GRM7: variants seen among roughly 807,000 people sequenced by gnomAD.
GRM7 encodes the protein metabotropic glutamate receptor 7.
GRM7 carries 35 observed loss-of-function variants against 84.5 expected under a neutral mutation model. The ratio of observed to expected loss-of-function variants is 0.41; its 90% CI spans 0.32 to 0.55. The LOEUF (loss-of-function observed/expected upper bound fraction) is 0.55, where lower values mean the gene tolerates loss of function less well. Ranked by LOEUF, GRM7 falls within the 20% of genes least tolerant of loss-of-function variation. The pLI is 0.19. For synonymous variants in GRM7, 487 were observed against 455.1 expected, an observed-to-expected ratio of 1.07 and a Z score of -0.89; for missense variants, 1,003 against 1,194.6, an observed-to-expected ratio of 0.84 and a Z score of 2.36.
intron 8 of GRM7, among the ~76,000 whole-genome samples, chr3:7,647,466 G>A: frequency 6.6e-6 from 1 of 152,144 alleles, no homozygotes; most frequent in East Asian, 1.9e-4. Flanking sequence ...CAGGTACAAG[G>A]GCACCCAAAG....
chr3:7,693,782 G>A (rs1700906614), intron 9 of GRM7: 1 of 711,726 alleles, frequency 1.4e-6, no homozygotes, highest in Non-Finnish European at 2.4e-6. Context: ...ACCTTATCCT[G>A]TTTGCATGAG....
chr3:7,272,747 C>G (rs866285186), intron 2 of GRM7, among the ~76,000 whole-genome samples: 15 of 149,648 alleles, frequency 1.0e-4, no homozygotes, highest in African/African-American at 3.7e-4. Context: ...CTTTTTTTTT[C>G]TTAGTCAGTT....
intron 9 of GRM7, among the ~76,000 whole-genome samples, chr3:7,711,157 TAA>T (rs1701563711): frequency 1.3e-5 from 2 of 152,130 alleles, no homozygotes; most frequent in African/African-American, 4.8e-5. Flanking sequence ...AAAAGAAAGA[TAA>T]AGAATATGTA....
chr3:6,940,040 T>C (rs1307605051), intron 1 of GRM7, among the ~76,000 whole-genome samples: 4 of 152,176 alleles, frequency 2.6e-5, no homozygotes, highest in African/African-American at 9.7e-5. Context: ...TTTGGAAATA[T>C]ATGAAATATT....
chr3:7,426,321 G>A (rs932193102), intron 5 of GRM7, among the ~76,000 whole-genome samples: 1 of 152,000 alleles, frequency 6.6e-6, no homozygotes, highest in African/African-American at 2.4e-5. Flanking sequence ...GTTTCTCTAT[G>A]TTGGTCAGGT....
chr3:7,416,985 G>T (rs1243540719), intron 5 of GRM7, among the ~76,000 whole-genome samples: 1 of 152,034 alleles, frequency 6.6e-6, no homozygotes, highest in Non-Finnish European at 1.5e-5. Flanking sequence ...GTTGATGGAC[G>T]TTAGGATTGT....
At chr3:6,882,721 T>G (rs143355952) in intron 1 of GRM7, among the ~76,000 whole-genome samples, 1,674 of 152,240 alleles carry the variant, frequency 0.011, 17 homozygotes, top group Non-Finnish European at 0.016. Flanking sequence ...TTTTGTATCT[T>G]TTTTGCTTAT....
chr3:7,339,446 C>T (rs1194532063), intron 4 of GRM7, among the ~76,000 whole-genome samples: 1 of 152,114 alleles, frequency 6.6e-6, no homozygotes, highest in Non-Finnish European at 1.5e-5. Context: ...AATTCAGCAG[C>T]TTATCTAGAG....
At chr3:7,516,098 G>A (rs1415626241) in intron 7 of GRM7, among the ~76,000 whole-genome samples, 1 of 145,254 alleles carries the variant, frequency 6.9e-6, no homozygotes, top group African/African-American at 2.6e-5. Context: ...CTGGAAGGTA[G>A]AGCCCGCAGT....
At chr3:7,147,927 C>A (rs1241416011) in intron 2 of GRM7, among the ~76,000 whole-genome samples, 1 of 152,162 alleles carries the variant, frequency 6.6e-6, no homozygotes, top group Non-Finnish European at 1.5e-5. Context: ...AGTGTCTTCT[C>A]CCACAGCGCC....
In GRM7 at chr3:7,680,103, G is replaced by C; in HGVS notation, c.2506G>C (p.Ala836Pro). ...TISMNLSASV[A>P]LGMLYMPKVY... ...CTCCATGAACCTAAGTGCATCAGTG[G>C]CGCTGGGGATGCTATACATGCCGAA... The change falls in exon 9 of 10, where the codon GCG becomes CCG. Residue 836 changes from alanine (A) to proline (P), a missense_variant. Ala to Pro is a conservative substitution (Grantham distance 27). Transcript: ENST00000357716. 1.2e-6 allele frequency: 2 copies of C among 1,613,894 alleles called. No individual in the cohort carries two copies. Among genetic ancestry groups the C allele is most frequent in the Non-Finnish European group, 1.7e-6 (2 of 1,179,820 alleles).
chr3:6,984,576 CT>C (rs1222309503), intron 1 of GRM7, among the ~76,000 whole-genome samples: 2 of 152,000 alleles, frequency 1.3e-5, no homozygotes, highest in Non-Finnish European at 1.5e-5. Flanking sequence ...TATGAATCAC[CT>C]TTTTTTCTCT....
intron 8 of GRM7, among the ~76,000 whole-genome samples, chr3:7,612,867 A>C (rs1696906151): frequency 6.6e-6 from 1 of 152,228 alleles, no homozygotes; most frequent in Admixed American, 6.5e-5. Flanking sequence ...AATTAGATTC[A>C]GTGAAAGATC....
chr3:7,618,057 A>T (rs1277133690), intron 8 of GRM7, among the ~76,000 whole-genome samples: 4 of 152,146 alleles, frequency 2.6e-5, no homozygotes, highest in Non-Finnish European at 5.9e-5. Context: ...ATAGCACAGA[A>T]TTATTGAAGA....
At chr3:7,454,184 C>T (rs1053759600) in intron 6 of GRM7, among the ~76,000 whole-genome samples, 2 of 151,396 alleles carry the variant, frequency 1.3e-5, no homozygotes, top group Non-Finnish European at 2.9e-5. Flanking sequence ...TAATTTGCCA[C>T]ATCAACCATA....
intron 1 of GRM7, among the ~76,000 whole-genome samples, chr3:7,068,455 C>T (rs1232129357): frequency 6.6e-6 from 1 of 151,984 alleles, no homozygotes; most frequent in African/African-American, 2.4e-5. Flanking sequence ...TTTCAACAAA[C>T]TGTTTTTCTA....
chr3:7,043,746 A>T (rs1252503382), intron 1 of GRM7, among the ~76,000 whole-genome samples: 1 of 152,186 alleles, frequency 6.6e-6, no homozygotes, highest in Non-Finnish European at 1.5e-5. Flanking sequence ...GCCTTTGTGC[A>T]TCAATTTTTA....
intron 4 of GRM7, among the ~76,000 whole-genome samples, chr3:7,316,715 T>C: frequency 6.6e-6 from 1 of 152,122 alleles, no homozygotes; most frequent in Admixed American, 6.6e-5. Context: ...TTTGAGATAC[T>C]TATTAGACAT....
At chr3:7,346,026 A>G (rs1692876677) in intron 4 of GRM7, among the ~76,000 whole-genome samples, 2 of 152,116 alleles carry the variant, frequency 1.3e-5, no homozygotes, top group African/African-American at 2.4e-5. Flanking sequence ...CAGATTGCAA[A>G]TGGTGCAAAT....
Sources: gnomAD v4.1 joint callset for allele counts (sites outside exome capture counted in the v4.1 genomes callset) on GRCh38, gnomAD v4.1.1 for gene constraint, MANE v1.5 for transcripts, NCBI Gene and HGNC (gene_info 2026-07-23, HGNC 2026-07-21) for gene names.